The following LIMS2 variants were observed in gnomAD, a reference collection of about 807,000 sequenced individuals.
The protein encoded by LIMS2 is LIM and senescent cell antigen-like-containing domain protein 2.
In LIMS2, 30 loss-of-function variants were observed where a neutral mutation model predicts 45.3. The observed-to-expected ratio is 0.66, with a 90% CI of 0.50 to 0.90. The LOEUF is 0.90. LIMS2 is among the 40% of genes least tolerant of loss of function. The pLI is 0.00. For missense variants in LIMS2, 485 were observed against 468.7 expected, an observed-to-expected ratio of 1.03 and a Z score of -0.32; for synonymous variants, 173 against 188.0, an observed-to-expected ratio of 0.92 and a Z score of 0.65.
Position 127,642,935 on chromosome 2 carries a change from C to T in LIMS2, c.497G>A (p.Cys166Tyr), listed in dbSNP as rs1363997136. The T allele has an allele frequency of 7.7e-6, 12 of 1,563,192 alleles. No homozygotes were observed. Among genetic ancestry groups the T allele is most frequent in the Non-Finnish European group, 1.0e-5 (12 of 1,153,970 alleles). Residue 166 changes from cysteine (C) to tyrosine (Y), a missense_variant, in exon 5 of 10, where the codon TGC becomes TAC. Transcript: ENST00000355119. The surrounding 1 kb of genome is among the most constrained non-coding windows in gnomAD (Gnocchi z 5.3). The stretch of plus-strand genomic sequence containing the variant: ...GCTGCGCACCTACCCACAGTGGGTG[C>T]AGTTGAAGTGGTCAGGGTGGTAGGC... Reference protein sequence around the residue: ...SDAYHPDHFNCTHCGKELTAE... With the variant: ...SDAYHPDHFNYTHCGKELTAE...
Position 127,672,626 on chromosome 2 carries a change from C to G in LIMS2, c.11+2388G>C, listed in dbSNP as rs541096098. 6.6e-6 allele frequency among the ~76,000 whole-genome samples: 1 copy of G among 152,350 alleles called. No individual in the cohort carries two copies. The highest frequency in any genetic ancestry group is 2.1e-4 in the South Asian group (1 of 4,830). ...CCCTGAGTCAGCCTCCTCTCCTCCA[C>G]CCGCTCAGCCACCCAGGAGAGGCCT... is the stretch of plus-strand genomic sequence containing the variant. On this transcript the variant is annotated intron_variant, in intron 1 of 9. Coordinates refer to ENST00000355119, the MANE Select transcript of LIMS2 (RefSeq NM_001161403.3). The surrounding 1 kb of genome is among the most constrained non-coding windows in gnomAD (Gnocchi z 4.9).
chr2:127,654,395 T>C, intron 4 of LIMS2, 29 bp downstream of exon 4: 2 of 1,613,430 alleles, frequency 1.2e-6, no homozygotes, highest in Non-Finnish European at 1.7e-6. Flanking sequence ...TGTGGCCCAG[T>C]CCTCTCTGGC....
At chr2:127,673,553 G>T in intron 1 of LIMS2, 1 of 968,894 alleles carries the variant, frequency 1.0e-6, no homozygotes, top group Non-Finnish European at 1.6e-6. Context: ...AAGGGACTCA[G>T]GGGCAAGAGG....
At chr2:127,670,872 A>G (rs1364726118) in intron 1 of LIMS2, among the ~76,000 whole-genome samples, 1 of 152,216 alleles carries the variant, frequency 6.6e-6, no homozygotes, top group Admixed American at 6.5e-5. Context: ...AGACAACTCC[A>G]TGAGTTTCCC....
chr2:127,679,554 G>A (rs1685571442), upstream of LIMS2, among the ~76,000 whole-genome samples: 1 of 151,998 alleles, frequency 6.6e-6, no homozygotes. This position sits in a 1 kb window ranked among gnomAD's most constrained non-coding sequence, Gnocchi z 5.3. Flanking sequence ...CTGCCCTCTG[G>A]GGTTCAGGGC....
rs2105330637 is a variant in LIMS2, at chr2:127,664,804, A to T, written c.12-7242T>A. ...AGGAGGGCAGAGTCAGCTGAGGAGG[A>T]CAGGGAGGACCTGGCGCCTTTAGGA... is the stretch of plus-strand genomic sequence containing the variant. On this transcript the variant is annotated intron_variant, in intron 1 of 9. Transcript: ENST00000355119. This position sits in a 1 kb window ranked among gnomAD's most constrained non-coding sequence, Gnocchi z 5.5. 6.6e-6 allele frequency among the ~76,000 whole-genome samples: 1 copy of T among 152,292 alleles called. No homozygotes were observed. Among genetic ancestry groups the T allele is most frequent in the East Asian group, 1.9e-4 (1 of 5,166 alleles).
chr2:127,639,987 G>T, intron 9 of LIMS2, 83 bp downstream of exon 9: 1 of 1,397,516 alleles, frequency 7.2e-7, no homozygotes, highest in Non-Finnish European at 1.0e-6. Context: ...AGACTCAGCT[G>T]GTGTGCAGGA....
chr2:127,647,990 C>T lies in LIMS2; in HGVS notation c.360-4918G>A. The T allele has an allele frequency of 8.1e-6, 8 of 981,938 alleles. No individual in the cohort carries two copies. Among genetic ancestry groups the T allele is most frequent in the Non-Finnish European group, 9.7e-6 (8 of 826,740 alleles). 60.8% of individuals were successfully genotyped at this position (981,938 alleles called of 1,614,324 possible). ...CCCCCTTCACAGCCCTCAGCCCTTCCCCAGGGCTTCAGCCAAGCCTGTCTC... is the reference window on the plus strand; with the variant it reads ...CCCCCTTCACAGCCCTCAGCCCTTCTCCAGGGCTTCAGCCAAGCCTGTCTC... On this transcript the variant is annotated intron_variant, in intron 4 of 9. Coordinates refer to ENST00000355119, the MANE Select transcript of LIMS2 (RefSeq NM_001161403.3). This position sits in a 1 kb window ranked among gnomAD's most constrained non-coding sequence, Gnocchi z 4.3.
At chr2:127,679,047 G>A (rs549762446), upstream of LIMS2, among the ~76,000 whole-genome samples, 11 of 152,246 alleles carry the variant, frequency 7.2e-5, no homozygotes, top group East Asian at 3.9e-4. This position sits in a 1 kb window ranked among gnomAD's most constrained non-coding sequence, Gnocchi z 5.3. Context: ...ACAGAAGCCC[G>A]GAGGGAAAGA....
At chr2:127,650,483 G>C in intron 4 of LIMS2, 4 of 566,116 alleles carry the variant, frequency 7.1e-6, no homozygotes, top group Non-Finnish European at 1.3e-5. Context: ...CAGCTGCATA[G>C]CGGCGAAATT....
In LIMS2 at chr2:127,651,940, G is replaced by A. The variant is rs756296121; in HGVS notation, c.359+2484C>T. The A allele has an allele frequency of 4.7e-5, 30 of 635,566 alleles. 1 individual carries two copies. Among genetic ancestry groups the A allele is most frequent in the Admixed American group, 2.4e-4 (8 of 33,982 alleles). 39.4% of individuals were successfully genotyped at this position (635,566 alleles called of 1,614,324 possible). A position where few individuals can be genotyped will look rare whatever the true frequency, so the allele number is the denominator to read the frequency against. On this transcript the variant is annotated intron_variant, in intron 4 of 9. Transcript: ENST00000355119. ...GAAGAACTGACAAAGGGGATCCATC[G>A]GCCACCCCTCTGCAGGGGCTTGTGA...
intron 7 of LIMS2, 155 bp downstream of exon 7, chr2:127,640,741 G>T: frequency 1.5e-6 from 1 of 669,326 alleles, no homozygotes; most frequent in Non-Finnish European, 2.6e-6. Context: ...CCCAGGTCTC[G>T]AGACCCCAGG....
Position 127,644,869 on chromosome 2 carries a change from C to T in LIMS2, c.360-1797G>A, listed in dbSNP as rs186061500. Among the ~76,000 whole-genome samples the T allele has an allele frequency of 2.7e-3, 404 of 152,318 alleles. 3 individuals carry two copies. Among genetic ancestry groups the T allele is most frequent in the Admixed American group, 5.9e-3 (91 of 15,296 alleles). On this transcript the variant is annotated intron_variant, in intron 4 of 9. Coordinates refer to ENST00000355119, the MANE Select transcript of LIMS2 (RefSeq NM_001161403.3). ...CACAACAGGAAAGAGACCTGCGCCC[C>T]GGCTCAGACACCTCACACCCAGCTG...
At position 127,638,766 on chromosome 2, in the gene LIMS2, TTGAG is replaced by T. The variant is rs569733758; in HGVS notation, c.*511_*514del. On this transcript the variant is annotated 3_prime_UTR_variant, in exon 10 of 10. Coordinates refer to ENST00000355119, the MANE Select transcript of LIMS2 (RefSeq NM_001161403.3). ...GGGCACAAGGACACTGTGCCACTGGTTGAGTGAGTGGTGAGGGATTGGAGGTGGC... is the reference window on the plus strand; with the variant it reads ...GGGCACAAGGACACTGTGCCACTGGTTGAGTGGTGAGGGATTGGAGGTGGC... The T allele has an allele frequency of 1.7e-4, 27 of 157,236 alleles. No individual in the cohort carries two copies. The South Asian group carries it at 4.5e-3, about 26-fold the overall frequency. 9.7% of individuals were successfully genotyped at this position (157,236 alleles called of 1,614,324 possible).
At position 127,670,621 on chromosome 2, in the gene LIMS2, T is replaced by TA. The variant is rs546682113; in HGVS notation, c.11+4392dup. Among the ~76,000 whole-genome samples the TA allele has an allele frequency of 2.4e-4, 36 of 152,376 alleles. No individual in the cohort carries two copies. The East Asian group carries it at 6.9e-3, about 29-fold the overall frequency. The stretch of plus-strand genomic sequence containing the variant: ...TTACAATCTAAAGTGGTGAATTTAA[T>TA]AATATGTGAACTATGTCTCAGATTT... On this transcript the variant is annotated intron_variant, in intron 1 of 9. Coordinates refer to ENST00000355119, the MANE Select transcript of LIMS2 (RefSeq NM_001161403.3).
At chr2:127,666,741 A>C (rs183879442) in intron 1 of LIMS2, among the ~76,000 whole-genome samples, 1 of 152,314 alleles carries the variant, frequency 6.6e-6, no homozygotes, top group African/African-American at 2.4e-5. Flanking sequence ...CAGGAAACTT[A>C]TAGTCGTGGC....
At chr2:127,657,223 G>A (rs768467031) in intron 2 of LIMS2, among the ~76,000 whole-genome samples, 180 bp downstream of exon 2, 4 of 152,222 alleles carry the variant, frequency 2.6e-5, no homozygotes, top group Non-Finnish European at 5.9e-5. Flanking sequence ...AGGGCACCTG[G>A]GGTGCTGTTC....
rs1250996444 is a variant in LIMS2, at chr2:127,639,382, A to G, written c.925T>C (p.Tyr309His). 3 of 1,613,932 alleles carry G rather than the reference A, an allele frequency of 1.9e-6. No individual in the cohort carries two copies. Among genetic ancestry groups the G allele is most frequent in the Non-Finnish European group, 2.5e-6 (3 of 1,179,916 alleles). ...FDMKPVCKRC[Y>H]EKFPLELKKR... ...TTCAGCTCCAGCGGGAACTTCTCGT[A>G]GCACCTCTTACACACGGGCTTCATG... is the stretch of plus-strand genomic sequence containing the variant. Residue 309 changes from tyrosine to histidine, a missense_variant, in exon 10 of 10, where the codon TAC (tyrosine) becomes CAC (histidine). Tyr to His is a moderately conservative substitution (Grantham distance 83). Transcript: ENST00000355119.
chr2:127,679,428 C>T (rs1347444019), upstream of LIMS2, among the ~76,000 whole-genome samples: 1 of 146,154 alleles, frequency 6.8e-6, no homozygotes, highest in East Asian at 2.0e-4. This position sits in a 1 kb window ranked among gnomAD's most constrained non-coding sequence, Gnocchi z 5.3. Context: ...TTGAATCACA[C>T]ACTTAGTCTT....
Sources: allele counts gnomAD v4.1 joint callset (sites outside exome capture counted in the v4.1 genomes callset), GRCh38; gene constraint gnomAD v4.1.1; non-coding constraint Gnocchi (gnomAD v3.1); transcripts MANE v1.5; gene names NCBI Gene and HGNC (gene_info 2026-07-23, HGNC 2026-07-21).